DNAH11: variants seen among roughly 807,000 people sequenced by gnomAD.
DNAH11 encodes the protein dynein axonemal heavy chain 11.
Under a neutral mutation model 526.0 loss-of-function variants are expected in DNAH11, and 442 were observed. That is an observed-to-expected ratio of 0.84 (90% confidence interval 0.78 to 0.91). DNAH11 has a LOEUF of 0.91. Ranked by LOEUF, DNAH11 falls within the 40% of genes least tolerant of loss-of-function variation. The pLI is 0.00. For missense variants in DNAH11, 6,989 were observed against 5,448.7 expected, an observed-to-expected ratio of 1.28 and a Z score of -8.90; for synonymous variants, 2,461 against 1,935.9, an observed-to-expected ratio of 1.27 and a Z score of -7.12.
chr7:21,594,987 T>TA (rs1242077110), intron 14 of DNAH11, among the ~76,000 whole-genome samples: 1 of 152,206 alleles, frequency 6.6e-6, no homozygotes, highest in Non-Finnish European at 1.5e-5. Context: ...GTAGGGAGGC[T>TA]AGGGAAGAGG....
chr7:21,696,827 G>A lies in DNAH11; in HGVS notation c.6042-1248G>A, dbSNP rs905239228. Among the ~76,000 whole-genome samples, 5 of 152,072 alleles carry A rather than the reference G, an allele frequency of 3.3e-5. No homozygotes were observed. The East Asian group carries it at 9.6e-4, about 29-fold the overall frequency. The stretch of plus-strand genomic sequence containing the variant: ...GGAGTGGGTACCTCATAGTGTTGTG[G>A]GGATTAAGTGAGAGAGTGCATAAAA... On this transcript the variant is annotated intron_variant, in intron 35 of 81. Transcript: ENST00000409508.
chr7:21,811,585 T>C (rs1399480912), intron 63 of DNAH11, among the ~76,000 whole-genome samples: 1 of 152,084 alleles, frequency 6.6e-6, no homozygotes. Flanking sequence ...AATGGGGAGT[T>C]ATTGTTTAAT....
At chr7:21,850,499 C>T (rs1193643830) in intron 66 of DNAH11, among the ~76,000 whole-genome samples, 1 of 151,654 alleles carries the variant, frequency 6.6e-6, no homozygotes, top group Non-Finnish European at 1.5e-5. Context: ...GTTCACTTTT[C>T]CATTAAACCC....
At chr7:21,841,425 T>C (rs546913484) in intron 65 of DNAH11, among the ~76,000 whole-genome samples, 1 of 152,250 alleles carries the variant, frequency 6.6e-6, no homozygotes, top group East Asian at 1.9e-4. Flanking sequence ...TTCATGCTAA[T>C]GTTGATGAGG....
intron 30 of DNAH11, among the ~76,000 whole-genome samples, chr7:21,667,414 G>A (rs1220002577): frequency 1.3e-5 from 2 of 152,242 alleles, no homozygotes; most frequent in Non-Finnish European, 2.9e-5. Context: ...TTGCAAAGAA[G>A]CAATTCATAA....
At chr7:21,619,339 T>G in intron 24 of DNAH11, 117 bp downstream of exon 24, 12 of 1,203,088 alleles carry the variant, frequency 1.0e-5, no homozygotes, top group Non-Finnish European at 1.4e-5. Context: ...GAGTCCCAGT[T>G]TGTTCCCTGC....
At chr7:21,628,406 G>C (rs1380330004) in intron 25 of DNAH11, among the ~76,000 whole-genome samples, 1 of 152,066 alleles carries the variant, frequency 6.6e-6, no homozygotes, top group African/African-American at 2.4e-5. Flanking sequence ...TCCCCATTCA[G>C]TACAATGTTA....
chr7:21,644,519 A>G, intron 28 of DNAH11, among the ~76,000 whole-genome samples: 1 of 152,218 alleles, frequency 6.6e-6, no homozygotes. Context: ...ACTTTCCTAA[A>G]GGAAGTAGAA....
At chr7:21,802,068 C>T (rs1056917136) in intron 62 of DNAH11, among the ~76,000 whole-genome samples, 2 of 152,152 alleles carry the variant, frequency 1.3e-5, no homozygotes. Flanking sequence ...ATGTGGATAA[C>T]GTTTCCCTTA....
chr7:21,673,463 A>C (rs569625678), intron 30 of DNAH11, among the ~76,000 whole-genome samples: 1 of 152,134 alleles, frequency 6.6e-6, no homozygotes, highest in African/African-American at 2.4e-5. Flanking sequence ...TCAAAGAGGA[A>C]CTAGAGCAAT....
chr7:21,830,915 C>G (rs1258946334), intron 65 of DNAH11, among the ~76,000 whole-genome samples: 1 of 152,164 alleles, frequency 6.6e-6, no homozygotes, highest in African/African-American at 2.4e-5. Context: ...ATTACTTAAG[C>G]AGCTTCTCAT....
intron 70 of DNAH11, 98 bp downstream of exon 70, chr7:21,864,755 A>T (rs1783208619): frequency 1.7e-6 from 2 of 1,185,630 alleles, no homozygotes; most frequent in Non-Finnish European, 2.3e-6. Flanking sequence ...CAGGTGATGT[A>T]TTAAGCACCA....
chr7:21,600,698 G>C lies in DNAH11; in HGVS notation c.3023G>C (p.Gly1008Ala), dbSNP rs776495900. 1 of 1,612,430 alleles carries C rather than the reference G, an allele frequency of 6.2e-7. No individual in the cohort carries two copies. Among genetic ancestry groups the C allele is most frequent in the Non-Finnish European group, 8.5e-7 (1 of 1,179,026 alleles). ...NYQNDMDNML[G>A]LAEVRQEIMN... ...TAGAATGATATGGATAACATGTTAGGCCTGGCAGAGGTCAGGCAGGAGATC... is the reference window on the plus strand; with the variant it reads ...TAGAATGATATGGATAACATGTTAGCCCTGGCAGAGGTCAGGCAGGAGATC... The change falls in exon 16 of 82, where the codon GGC becomes GCC. Residue 1008 changes from glycine to alanine, a missense_variant. Gly to Ala is a moderately conservative substitution (Grantham distance 60, BLOSUM62 0). Coordinates refer to ENST00000409508, the MANE Select transcript of DNAH11 (RefSeq NM_001277115.2).
At chr7:21,591,600 G>A in intron 14 of DNAH11, 23 bp downstream of exon 14, 1 of 1,501,500 alleles carries the variant, frequency 6.7e-7, no homozygotes, top group Non-Finnish European at 8.9e-7. Context: ...AACCTTTCAA[G>A]ATTTATAGAT....
At chr7:21,815,151 T>C (rs1789724660) in intron 63 of DNAH11, among the ~76,000 whole-genome samples, 1 of 152,164 alleles carries the variant, frequency 6.6e-6, no homozygotes, top group African/African-American at 2.4e-5. Context: ...CTATGGATTT[T>C]GGATATGAGA....
intron 63 of DNAH11, 25 bp from the exon 64 acceptor site, chr7:21,816,442 G>A (rs780221482): frequency 7.7e-6 from 12 of 1,553,904 alleles, no homozygotes; most frequent in Middle Eastern, 1.7e-4. Flanking sequence ...TGACCAATTT[G>A]TTGCATTCAA....
intron 30 of DNAH11, among the ~76,000 whole-genome samples, chr7:21,679,407 G>A (rs1007479187): frequency 8.5e-5 from 13 of 152,312 alleles, no homozygotes; most frequent in Non-Finnish European, 1.3e-4. Flanking sequence ...TAAAAGATGT[G>A]TGAGCTGATG....
intron 81 of DNAH11, 136 bp from the exon 82 acceptor site, chr7:21,900,871 C>CAGTAAAAATACCACTGACAAGCAAA: frequency 7.1e-7 from 1 of 1,403,356 alleles, no homozygotes; most frequent in Non-Finnish European, 9.5e-7. Context: ...CCGGCCAGCT[C>CAGTAAAAATACCACTGACAAGCAAA]AGTAAAAATA....
chr7:21,742,250 A>G (rs1785940924), intron 49 of DNAH11, 84 bp downstream of exon 49: 20 of 1,438,982 alleles, frequency 1.4e-5, no homozygotes, highest in Non-Finnish European at 1.7e-5. Context: ...ATGTCACTAT[A>G]GAGAAACACC....
Sources: gnomAD v4.1 joint callset for allele counts (sites outside exome capture counted in the v4.1 genomes callset) on GRCh38, gnomAD v4.1.1 for gene constraint, MANE v1.5 for transcripts, NCBI Gene and HGNC (gene_info 2026-07-23, HGNC 2026-07-21) for gene names.